ST6GAL1: variants seen among roughly 807,000 people sequenced by gnomAD.
ST6GAL1 encodes ST6 beta-galactoside alpha-2,6-sialyltransferase 1, also known as beta-galactoside alpha-2,6-sialyltransferase 1.
A neutral mutation model predicts 38.0 loss-of-function variants in ST6GAL1; 20 were observed. That is an observed-to-expected ratio of 0.53 (90% CI 0.37 to 0.77). The LOEUF (loss-of-function observed/expected upper bound fraction) is 0.77, where lower values mean the gene tolerates loss of function less well. ST6GAL1 is among the 30% of genes least tolerant of loss of function. The pLI is 0.00. For synonymous variants in ST6GAL1, 196 were observed against 188.2 expected, an observed-to-expected ratio of 1.04 and a Z score of -0.34; for missense variants, 432 against 496.4, an observed-to-expected ratio of 0.87 and a Z score of 1.23.
In ST6GAL1 at chr3:187,070,340, G is replaced by A. The variant is rs369399115; in HGVS notation, c.706-2509G>A. Among the ~76,000 whole-genome samples, 22 of 151,304 alleles carry A rather than the reference G, an allele frequency of 1.5e-4. No individual in the cohort carries two copies. The East Asian group carries it at 2.1e-3, about 15-fold the overall frequency. ...CACTCACACATTCAGGGGTTTGCAC[G>A]TGGTTCCCCGTGTCTCAGACACCCC... is the stretch of plus-strand genomic sequence containing the variant. On this transcript the variant is annotated intron_variant, in intron 5 of 7. Coordinates refer to ENST00000169298, the MANE Select transcript of ST6GAL1 (RefSeq NM_173216.2).
At chr3:187,059,023 G>C (rs539229058) in intron 5 of ST6GAL1, among the ~76,000 whole-genome samples, 65 of 152,286 alleles carry the variant, frequency 4.3e-4, no homozygotes, top group African/African-American at 1.3e-3. Flanking sequence ...TGACAGTTGA[G>C]CTAGACTTTG....
intron 2 of ST6GAL1, among the ~76,000 whole-genome samples, chr3:187,017,225 C>G (rs1039461261): frequency 2.6e-5 from 4 of 152,076 alleles, no homozygotes; most frequent in African/African-American, 9.7e-5. Context: ...CTGGTGTTGC[C>G]CTTCCCTTCC....
intron 2 of ST6GAL1, among the ~76,000 whole-genome samples, chr3:186,967,261 A>G (rs146515025): frequency 3.5e-4 from 53 of 152,158 alleles, no homozygotes; most frequent in African/African-American, 9.4e-4. Flanking sequence ...GCGCAATCTC[A>G]GCTCACTGCA....
chr3:187,058,603 A>G (rs765551983), intron 5 of ST6GAL1, among the ~76,000 whole-genome samples: 4 of 150,422 alleles, frequency 2.7e-5, no homozygotes, highest in Non-Finnish European at 5.9e-5. Context: ...TTTGTTGTTC[A>G]AATTTATATT....
chr3:187,075,670 C>T lies in ST6GAL1; in HGVS notation c.1088C>T (p.Ala363Val). The T allele has an allele frequency of 6.2e-7, 1 of 1,614,180 alleles. No individual in the cohort carries two copies. The part of the protein sequence containing the change: ...CYYYQKFFDS[A>V]CTMGAYHPLL... ...TACTACCAGAAGTTCTTCGATAGTG[C>T]CTGCACGATGGGTGCCTACCACCCG... Residue 363 changes from alanine to valine, a missense_variant, in exon 8 of 8, where the codon GCC (alanine) becomes GTC (valine). By Grantham distance (64) the Ala-to-Val change is moderately conservative. Coordinates refer to ENST00000169298, the MANE Select transcript of ST6GAL1 (RefSeq NM_173216.2). The surrounding 1 kb of genome is among the most constrained non-coding windows in gnomAD (Gnocchi z 4.1).
rs1719522657 is a variant in ST6GAL1, at chr3:187,075,305, G to A, written c.980-257G>A. Among the ~76,000 whole-genome samples, 1 of 152,182 alleles carries A rather than the reference G, an allele frequency of 6.6e-6. No individual in the cohort carries two copies. Among genetic ancestry groups the A allele is most frequent in the Non-Finnish European group, 1.5e-5 (1 of 68,042 alleles). On this transcript the variant is annotated intron_variant, in intron 7 of 7. Coordinates refer to ENST00000169298, the MANE Select transcript of ST6GAL1 (RefSeq NM_173216.2). The surrounding 1 kb of genome is among the most constrained non-coding windows in gnomAD (Gnocchi z 4.1). ...GTCATTTAATCTACTAGCATTTAGGGAGGATCTATTATTCACCAGGCCCTG... is the reference window on the plus strand; with the variant it reads ...GTCATTTAATCTACTAGCATTTAGGAAGGATCTATTATTCACCAGGCCCTG...
chr3:187,050,260 G>T (rs993413580), intron 4 of ST6GAL1, among the ~76,000 whole-genome samples: 27 of 152,154 alleles, frequency 1.8e-4, no homozygotes, highest in Admixed American at 1.8e-3. Context: ...ATCCCGTGTA[G>T]ATTTCAGTGG....
intron 2 of ST6GAL1, among the ~76,000 whole-genome samples, chr3:186,976,785 A>G (rs1473756717): frequency 6.6e-6 from 1 of 152,186 alleles, no homozygotes; most frequent in Non-Finnish European, 1.5e-5. Flanking sequence ...TTCCTGATGA[A>G]GAAATAGAGG....
intron 2 of ST6GAL1, among the ~76,000 whole-genome samples, chr3:187,030,653 C>T (rs1301365439): frequency 2.6e-5 from 4 of 152,166 alleles, no homozygotes; most frequent in African/African-American, 4.8e-5. Flanking sequence ...AGGCTGGTCT[C>T]GAACTCCTAA....
At chr3:186,974,480 G>C (rs763222702) in intron 2 of ST6GAL1, among the ~76,000 whole-genome samples, 5 of 152,104 alleles carry the variant, frequency 3.3e-5, no homozygotes, top group Non-Finnish European at 7.3e-5. Flanking sequence ...TTGAGGTACA[G>C]TTTATATTCC....
chr3:186,987,190 G>GGGAAGGAA (rs1553821953), intron 2 of ST6GAL1, among the ~76,000 whole-genome samples: 1 of 120,758 alleles, frequency 8.3e-6, no homozygotes, highest in Non-Finnish European at 1.7e-5. Context: ...CAGGGAGGGA[G>GGGAAGGAA]GGAGGGAGGG....
At chr3:186,997,942 G>A (rs533312785) in intron 2 of ST6GAL1, among the ~76,000 whole-genome samples, 1 of 151,944 alleles carries the variant, frequency 6.6e-6, no homozygotes, top group Admixed American at 6.6e-5. Flanking sequence ...ATTTGTAATA[G>A]ACACATTAAA....
chr3:187,013,844 C>T (rs980657819), intron 2 of ST6GAL1, among the ~76,000 whole-genome samples: 3 of 152,204 alleles, frequency 2.0e-5, no homozygotes, highest in Non-Finnish European at 2.9e-5. Context: ...CTTGGCCTCC[C>T]AACGTGCTGG....
rs1173327620 is a variant in ST6GAL1 at position 187,042,746 on chromosome 3, C to G, written c.43C>G (p.Leu15Val). The G allele has an allele frequency of 1.2e-6, 2 of 1,613,976 alleles. No individual in the cohort carries two copies. Among genetic ancestry groups the G allele is most frequent in the Non-Finnish European group, 1.7e-6 (2 of 1,179,944 alleles). The change falls in exon 4 of 8, where the codon CTG (leucine) becomes GTG (valine). Residue 15 changes from leucine (L) to valine (V), a missense_variant. Coordinates refer to ENST00000169298, the MANE Select transcript of ST6GAL1 (RefSeq NM_173216.2). ...GAAGAAAAAGTTCAGCTGCTGCGTC[C>G]TGGTCTTTCTTCTGTTTGCAGTCAT... ...NLKKKFSCCV[L>V]VFLLFAVICV...
intron 3 of ST6GAL1, among the ~76,000 whole-genome samples, chr3:187,040,811 C>A (rs901637734): frequency 1.3e-5 from 2 of 152,242 alleles, no homozygotes; most frequent in African/African-American, 4.8e-5. Flanking sequence ...CCACTGTGTA[C>A]ATTTAATCAT....
Position 187,042,994 on chromosome 3 carries a change from C to T in ST6GAL1, c.291C>T (p.Asn97=). The change falls in exon 4 of 8, where the codon AAC becomes AAT. Residue 97 remains asparagine, a synonymous_variant. Transcript: ENST00000169298. ...CAGAGGCCTCCTTCCAGGTGTGGAA[C>T]AAGGACAGCTCTTCCAAAAACCTTA... ...AKPEASFQVW[N]KDSSSKNLIP... 1 of 1,614,150 alleles carries T rather than the reference C, an allele frequency of 6.2e-7. No individual in the cohort carries two copies. The highest frequency in any genetic ancestry group is 1.7e-5 in the Admixed American group (1 of 60,028).
intron 5 of ST6GAL1, among the ~76,000 whole-genome samples, chr3:187,056,800 G>T (rs1023542795): frequency 6.6e-6 from 1 of 152,110 alleles, no homozygotes; most frequent in Non-Finnish European, 1.5e-5. Flanking sequence ...TCTTCTCGAG[G>T]AGTATCTTTG....
chr3:186,971,053 C>T (rs903160730), intron 2 of ST6GAL1, among the ~76,000 whole-genome samples: 4 of 152,216 alleles, frequency 2.6e-5, no homozygotes, highest in African/African-American at 2.4e-5. Context: ...CACATGCTTG[C>T]CAGCATTTGG....
Position 186,963,246 on chromosome 3 carries a change from C to T in ST6GAL1, c.-324-539C>T, listed in dbSNP as rs564910168. Among the ~76,000 whole-genome samples, 27 of 152,088 alleles carry T rather than the reference C, an allele frequency of 1.8e-4. No homozygotes were observed. In the South Asian group the frequency reaches 1.9e-3, roughly 11 times the overall value. On this transcript the variant is annotated intron_variant, in intron 1 of 7. Coordinates refer to ENST00000169298, the MANE Select transcript of ST6GAL1 (RefSeq NM_173216.2). ...TTTAAAAAAAACTTTTTTTTTGAGACGGAGTTTCGCTCTTGTTGTCCAGGC... is the reference window on the plus strand; with the variant it reads ...TTTAAAAAAAACTTTTTTTTTGAGATGGAGTTTCGCTCTTGTTGTCCAGGC...
Sources: allele counts gnomAD v4.1 joint callset (sites outside exome capture counted in the v4.1 genomes callset), GRCh38; gene constraint gnomAD v4.1.1; non-coding constraint Gnocchi (gnomAD v3.1); transcripts MANE v1.5; gene names NCBI Gene and HGNC (gene_info 2026-07-23, HGNC 2026-07-21).